Variants in DIAPH1 observed in about 807,000 individuals in gnomAD.
DIAPH1 encodes diaphanous related formin 1.
A neutral mutation model predicts 140.7 loss-of-function variants in DIAPH1; 46 were observed. The ratio of observed to expected loss-of-function variants is 0.33; its 90% CI spans 0.26 to 0.42. The LOEUF (loss-of-function observed/expected upper bound fraction) is 0.42. DIAPH1 is among the 10% of genes least tolerant of loss of function. The pLI, the probability that DIAPH1 is intolerant of heterozygous loss-of-function variation, is 1.00. For missense variants in DIAPH1, 1,310 were observed against 1,558.7 expected, an observed-to-expected ratio of 0.84 and a Z score of 2.69; for synonymous variants, 565 against 551.6, an observed-to-expected ratio of 1.02 and a Z score of -0.34.
At chr5:141,569,709 C>T (rs534126018) in intron 18 of DIAPH1, among the ~76,000 whole-genome samples, 167 of 152,184 alleles carry the variant, frequency 1.1e-3, no homozygotes, top group African/African-American at 4.0e-3. Flanking sequence ...CTGCAGTGAG[C>T]ACGATCGCGC....
At chr5:141,533,372 A>G (rs1299620345) in intron 19 of DIAPH1, among the ~76,000 whole-genome samples, 1 of 152,236 alleles carries the variant, frequency 6.6e-6, no homozygotes, top group Non-Finnish European at 1.5e-5. Context: ...TCAACTTTGC[A>G]GAGGAATTTC....
At chr5:141,597,349 T>TG (rs1303253579) in intron 1 of DIAPH1, among the ~76,000 whole-genome samples, 14 of 152,298 alleles carry the variant, frequency 9.2e-5, no homozygotes, top group African/African-American at 3.4e-4. Context: ...TGGGTGGCAA[T>TG]GGAACAAGGC....
intron 4 of DIAPH1, 133 bp from the exon 5 acceptor site, chr5:141,583,748 C>A (rs2099897116): frequency 7.8e-7 from 1 of 1,280,974 alleles, no homozygotes; most frequent in South Asian, 1.3e-5. Flanking sequence ...ACTACGTTGC[C>A]CAGGCTGATT....
At chr5:141,574,910 C>T (rs2099895736) in intron 15 of DIAPH1, 57 bp downstream of exon 15, 1 of 1,601,270 alleles carries the variant, frequency 6.2e-7, no homozygotes, top group African/African-American at 1.3e-5. Flanking sequence ...ACTCCTGTTC[C>T]AAGCCATGTG....
At chr5:141,578,446 C>G in intron 10 of DIAPH1, 69 bp downstream of exon 10, 1 of 1,537,230 alleles carries the variant, frequency 6.5e-7, no homozygotes. Context: ...AGAATTATCC[C>G]CGGGATTATT....
intron 16 of DIAPH1, among the ~76,000 whole-genome samples, chr5:141,572,974 T>C (rs949651232): frequency 1.3e-5 from 2 of 152,118 alleles, no homozygotes; most frequent in Non-Finnish European, 1.5e-5. Flanking sequence ...AAATTCAGAA[T>C]ACAGGGTTCA....
chr5:141,519,513 CT>C (rs2099886204), intron 27 of DIAPH1, among the ~76,000 whole-genome samples: 1 of 152,158 alleles, frequency 6.6e-6, no homozygotes, highest in South Asian at 2.1e-4. Context: ...TGTGGTAGGT[CT>C]TTAGCTGCTG....
intron 18 of DIAPH1, 33 bp downstream of exon 18, chr5:141,571,395 A>G: frequency 6.3e-7 from 1 of 1,577,738 alleles, no homozygotes; most frequent in Non-Finnish European, 8.6e-7. Flanking sequence ...AATATTCAAG[A>G]GACCAAACTA....
chr5:141,520,804 G>A (rs898878524), intron 27 of DIAPH1, among the ~76,000 whole-genome samples: 3 of 152,126 alleles, frequency 2.0e-5, no homozygotes, highest in African/African-American at 7.2e-5. Context: ...GTTCAATCAC[G>A]CAGGCTGAGG....
chr5:141,584,495 T>C (rs187064229), intron 3 of DIAPH1, among the ~76,000 whole-genome samples: 60 of 152,302 alleles, frequency 3.9e-4, no homozygotes, highest in African/African-American at 1.4e-3. Context: ...AAAGATTTAT[T>C]TTGTATTATT....
At chr5:141,572,157 G>A (rs2099895283) in intron 16 of DIAPH1, 117 bp from the exon 17 acceptor site, 2 of 742,316 alleles carry the variant, frequency 2.7e-6, no homozygotes, top group Non-Finnish European at 4.9e-6. Context: ...TGTCTTACTA[G>A]AATAAGACTA....
At chr5:141,591,211 A>G (rs992932756) in intron 1 of DIAPH1, among the ~76,000 whole-genome samples, 1 of 151,302 alleles carries the variant, frequency 6.6e-6, no homozygotes, top group Non-Finnish European at 1.5e-5. Context: ...TGCTTTCACA[A>G]CTCCAACAGG....
rs745505838 is a variant in DIAPH1, at chr5:141,580,899, A to G, written c.685-16T>C. 6.2e-7 allele frequency: 1 copy of G among 1,614,184 alleles called. No homozygotes were observed. The highest frequency in any genetic ancestry group is 1.1e-5 in the South Asian group (1 of 91,084). On this transcript the variant is annotated splice_polypyrimidine_tract_variant and intron_variant, in intron 7 of 27. Coordinates refer to ENST00000389054, the MANE Select transcript of DIAPH1 (RefSeq NM_005219.5). ...TGATTCCAAACTGGTAGGACCAAGA[A>G]CAAAGAAAGGAGGCTGAAAGACGAA...
chr5:141,603,934 G>A (rs1482894233), intron 1 of DIAPH1, among the ~76,000 whole-genome samples: 1 of 152,126 alleles, frequency 6.6e-6, no homozygotes, highest in Non-Finnish European at 1.5e-5. Flanking sequence ...TAGCCCAGAG[G>A]GAAGGAGGAA....
intron 3 of DIAPH1, 105 bp downstream of exon 3, chr5:141,586,937 G>A (rs1269582649): frequency 8.2e-7 from 1 of 1,216,282 alleles, no homozygotes; most frequent in Admixed American, 1.7e-5. Context: ...GTTAAGCCTG[G>A]AATTCTTTGT....
At chr5:141,568,981 C>A (rs2099894773) in intron 18 of DIAPH1, among the ~76,000 whole-genome samples, 1 of 151,730 alleles carries the variant, frequency 6.6e-6, no homozygotes, top group African/African-American at 2.4e-5. Flanking sequence ...TCAGAATATG[C>A]CTTCTCTTTT....
intron 18 of DIAPH1, among the ~76,000 whole-genome samples, chr5:141,567,184 G>A (rs1476280112): frequency 6.6e-6 from 1 of 152,096 alleles, no homozygotes; most frequent in Non-Finnish European, 1.5e-5. Context: ...CAAGATAAAT[G>A]GCATAATATT....
At chr5:141,538,557 C>T (rs1310541089) in intron 18 of DIAPH1, among the ~76,000 whole-genome samples, 4 of 152,066 alleles carry the variant, frequency 2.6e-5, no homozygotes, top group Admixed American at 6.5e-5. Context: ...CTCAGCGTCC[C>T]GAGTAACTGG....
chr5:141,524,452 C>G, intron 26 of DIAPH1: 1 of 581,028 alleles, frequency 1.7e-6, no homozygotes, highest in Non-Finnish European at 3.1e-6. Context: ...GCCTATTATC[C>G]AATGCAGACC....
Sources: gnomAD v4.1 joint callset for allele counts (sites outside exome capture counted in the v4.1 genomes callset) on GRCh38, gnomAD v4.1.1 for gene constraint, MANE v1.5 for transcripts, NCBI Gene and HGNC (gene_info 2026-07-23, HGNC 2026-07-21) for gene names.